Variants in LRRC4C observed in about 807,000 individuals in gnomAD.
LRRC4C encodes leucine rich repeat containing 4C.
A neutral mutation model predicts 33.6 loss-of-function variants in LRRC4C; 5 were observed. The observed-to-expected ratio is 0.15, with a 90% CI of 0.08 to 0.31. The LOEUF (loss-of-function observed/expected upper bound fraction) is 0.31. LRRC4C is among the 10% of genes least tolerant of loss of function. The pLI is 1.00. For missense variants in LRRC4C, 560 were observed against 796.7 expected, an observed-to-expected ratio of 0.70 and a Z score of 3.58; for synonymous variants, 329 against 302.0, an observed-to-expected ratio of 1.09 and a Z score of -0.93.
intron 1 of LRRC4C, among the ~76,000 whole-genome samples, chr11:41,170,144 A>T (rs764782234): frequency 2.6e-5 from 4 of 152,140 alleles, no homozygotes; most frequent in Non-Finnish European, 5.9e-5. Context: ...TTATTTTCCA[A>T]AACTATCAAG....
intron 3 of LRRC4C, among the ~76,000 whole-genome samples, chr11:40,356,855 T>A (rs933545995): frequency 2.0e-5 from 3 of 152,310 alleles, no homozygotes; most frequent in Middle Eastern, 3.4e-3. Flanking sequence ...TTTGATTTTT[T>A]AAAATCACTT....
At chr11:40,761,803 T>G (rs2093201132) in intron 2 of LRRC4C, among the ~76,000 whole-genome samples, 1 of 152,174 alleles carries the variant, frequency 6.6e-6, no homozygotes, top group African/African-American at 2.4e-5. Flanking sequence ...TGCGGTTCTG[T>G]CTTCTGTTAC....
intron 3 of LRRC4C, among the ~76,000 whole-genome samples, chr11:40,516,073 A>AT (rs972076153): frequency 2.6e-4 from 40 of 151,914 alleles, no homozygotes; most frequent in Non-Finnish European, 5.0e-4. Flanking sequence ...TGGGGGAAAT[A>AT]TTTTTTTTCT....
In LRRC4C at chr11:41,088,775, C is replaced by T. The variant is rs1355764277; in HGVS notation, c.-495-155052G>A. Among the ~76,000 whole-genome samples the T allele has an allele frequency of 3.9e-5, 6 of 152,086 alleles. No homozygotes were observed. The East Asian group carries it at 9.7e-4, about 24-fold the overall frequency. ...AAATGAGTTAGAAGAAAAAACTGAA[C>T]TGTGGCTGAAGCTAAATCCTGAAAG... On this transcript the variant is annotated intron_variant, in intron 1 of 6. Transcript: ENST00000528697.
intron 6 of LRRC4C, among the ~76,000 whole-genome samples, chr11:40,128,619 T>C (rs1258893369): frequency 1.3e-5 from 2 of 152,126 alleles, no homozygotes; most frequent in Non-Finnish European, 2.9e-5. Flanking sequence ...ACTGCTTTGG[T>C]CTCCAAGACT....
At chr11:41,365,919 T>C (rs1952518168) in intron 1 of LRRC4C, among the ~76,000 whole-genome samples, 1 of 152,218 alleles carries the variant, frequency 6.6e-6, no homozygotes. Flanking sequence ...AAATATTTAA[T>C]TTTTCAGAAT....
intron 1 of LRRC4C, among the ~76,000 whole-genome samples, chr11:41,448,122 G>GTTTTTTTTTTTGTTTTTTTTTTTT (rs1955888375): frequency 2.1e-5 from 1 of 46,948 alleles, no homozygotes; most frequent in South Asian, 6.7e-4. Context: ...GCACACGTCT[G>GTTTTTTTTTTTGTTTTTTTTTTTT]TTTTTTTTTT....
chr11:40,784,073 T>C (rs944029808), intron 2 of LRRC4C, among the ~76,000 whole-genome samples: 1 of 118,964 alleles, frequency 8.4e-6, no homozygotes, highest in Admixed American at 7.3e-5. Flanking sequence ...TAATGAAAGA[T>C]GTTTATTTAT....
intron 2 of LRRC4C, among the ~76,000 whole-genome samples, chr11:40,750,019 G>C (rs1948604172): frequency 6.6e-6 from 1 of 152,068 alleles, no homozygotes; most frequent in Admixed American, 6.6e-5. Context: ...GAAAAGCACA[G>C]TGACCAGCCT....
chr11:41,303,529 T>C (rs1591205867), intron 1 of LRRC4C, among the ~76,000 whole-genome samples: 5 of 104,264 alleles, frequency 4.8e-5, no homozygotes, highest in Admixed American at 2.3e-4. Context: ...AAGTGAGGAG[T>C]GTCTCTGCCT....
chr11:40,760,840 T>TAC (rs985744104), intron 2 of LRRC4C, among the ~76,000 whole-genome samples: 2 of 146,736 alleles, frequency 1.4e-5, no homozygotes, highest in Non-Finnish European at 3.0e-5. Flanking sequence ...TATATATATA[T>TAC]ACACACACAT....
chr11:40,180,088 A>C (rs1860860133), intron 5 of LRRC4C, among the ~76,000 whole-genome samples: 1 of 152,240 alleles, frequency 6.6e-6, no homozygotes. Flanking sequence ...TAAAATCTGA[A>C]ATAAAACTAC....
At chr11:40,988,368 C>T (rs1371464579) in intron 1 of LRRC4C, among the ~76,000 whole-genome samples, 1 of 152,112 alleles carries the variant, frequency 6.6e-6, no homozygotes, top group East Asian at 1.9e-4. Flanking sequence ...GTTACTCAGT[C>T]TAAGTTCATA....
At chr11:41,084,790 A>G (rs895390134) in intron 1 of LRRC4C, among the ~76,000 whole-genome samples, 21 of 152,170 alleles carry the variant, frequency 1.4e-4, no homozygotes, top group Non-Finnish European at 2.8e-4. Flanking sequence ...TGGAGGTTGC[A>G]GTGAGCCAAG....
At chr11:40,850,827 C>A (rs536675459) in intron 2 of LRRC4C, among the ~76,000 whole-genome samples, 36 of 152,314 alleles carry the variant, frequency 2.4e-4, no homozygotes, top group African/African-American at 8.7e-4. Context: ...GATGTCCTGC[C>A]AGAGAGGAGG....
At chr11:40,834,351 A>G (rs1360533856) in intron 2 of LRRC4C, among the ~76,000 whole-genome samples, 1 of 151,840 alleles carries the variant, frequency 6.6e-6, no homozygotes, top group African/African-American at 2.4e-5. Flanking sequence ...CACATCTGTA[A>G]TCCCAGGTAC....
At chr11:41,375,295 G>A (rs929456462) in intron 1 of LRRC4C, among the ~76,000 whole-genome samples, 1 of 152,060 alleles carries the variant, frequency 6.6e-6, no homozygotes, top group Non-Finnish European at 1.5e-5. Context: ...AATGCCAGGT[G>A]CTAACAGGAA....
chr11:40,483,673 G>A (rs1326593496), intron 3 of LRRC4C, among the ~76,000 whole-genome samples: 19 of 151,894 alleles, frequency 1.3e-4, no homozygotes, highest in Admixed American at 1.2e-3. Context: ...AGACACTGAA[G>A]ATAGGTATTA....
intron 1 of LRRC4C, among the ~76,000 whole-genome samples, chr11:41,374,673 T>C (rs1019522736): frequency 1.3e-5 from 2 of 152,154 alleles, no homozygotes; most frequent in Non-Finnish European, 2.9e-5. Context: ...CTTAAGGAGA[T>C]AATGAGCAGG....
Sources: gnomAD v4.1 joint callset for allele counts (sites outside exome capture counted in the v4.1 genomes callset) on GRCh38, gnomAD v4.1.1 for gene constraint, MANE v1.5 for transcripts, NCBI Gene and HGNC (gene_info 2026-07-23, HGNC 2026-07-21) for gene names.